The following PLCB1 variants were observed in gnomAD, a reference collection of about 807,000 sequenced individuals.
PLCB1 encodes the protein 1-phosphatidylinositol 4,5-bisphosphate phosphodiesterase beta-1.
In PLCB1, 46 loss-of-function variants were observed where a neutral mutation model predicts 161.8. That is an observed-to-expected ratio of 0.28 (90% CI 0.22 to 0.36). The LOEUF (loss-of-function observed/expected upper bound fraction) is 0.36. Ranked by LOEUF, PLCB1 falls within the 10% of genes least tolerant of loss-of-function variation. The pLI is 1.00. For synonymous variants in PLCB1, 517 were observed against 503.7 expected, an observed-to-expected ratio of 1.03 and a Z score of -0.35; for missense variants, 1,016 against 1,472.5, an observed-to-expected ratio of 0.69 and a Z score of 5.07.
At chr20:8,860,883 T>C (rs2146312949) in intron 31 of PLCB1, among the ~76,000 whole-genome samples, 1 of 152,364 alleles carries the variant, frequency 6.6e-6, no homozygotes, top group South Asian at 2.1e-4. Context: ...TTCAACTCAG[T>C]GTTGTGACAT....
At chr20:8,585,137 C>T (rs938963029) in intron 3 of PLCB1, among the ~76,000 whole-genome samples, 1 of 152,184 alleles carries the variant, frequency 6.6e-6, no homozygotes, top group Non-Finnish European at 1.5e-5. Flanking sequence ...GGAGCTTCGG[C>T]TTACTTTTGG....
At chr20:8,565,769 A>T (rs959579645) in intron 3 of PLCB1, among the ~76,000 whole-genome samples, 6 of 152,084 alleles carry the variant, frequency 3.9e-5, no homozygotes, top group African/African-American at 1.4e-4. Flanking sequence ...TATAGACCCC[A>T]GAACCTGTGT....
chr20:8,408,514 T>TA (rs1978888245), intron 3 of PLCB1, among the ~76,000 whole-genome samples: 1 of 151,806 alleles, frequency 6.6e-6, no homozygotes, highest in Non-Finnish European at 1.5e-5. Flanking sequence ...GAAGTTTTTT[T>TA]TAAAAAAAAA....
chr20:8,821,833 C>T (rs1182807119), intron 31 of PLCB1, among the ~76,000 whole-genome samples: 1 of 151,882 alleles, frequency 6.6e-6, no homozygotes, highest in Non-Finnish European at 1.5e-5. Flanking sequence ...TCTCCACCCG[C>T]CCCCTCGCAG....
At position 8,740,444 on chromosome 20, in the gene PLCB1, T is replaced by G; in HGVS notation, c.2409T>G (p.Tyr803Ter). The G allele has an allele frequency of 6.4e-7, 1 of 1,551,862 alleles. No individual in the cohort carries two copies. Reference protein sequence around the residue: ...IEVKDYVPDTYADVIEALSNP... With the variant: ...IEVKDYVPDT Reference sequence around the variant, plus strand: ...TGAAAGACTATGTGCCAGACACATATGCAGGTAAACAACTTAACTCAAATA... The same window carrying G: ...TGAAAGACTATGTGCCAGACACATAGGCAGGTAAACAACTTAACTCAAATA... Residue 803 changes from tyrosine (Y) to a stop codon, truncating the protein, a stop_gained, in exon 22 of 32, where the codon TAT becomes TAG. Transcript: ENST00000338037. LOFTEE classifies it high-confidence loss of function.
At chr20:8,190,877 G>C (rs974103850) in intron 2 of PLCB1, among the ~76,000 whole-genome samples, 4 of 152,072 alleles carry the variant, frequency 2.6e-5, no homozygotes, top group Non-Finnish European at 5.9e-5. Context: ...TGAATGACCG[G>C]GTCCGGTGGA....
At chr20:8,621,350 A>G (rs1287744318) in intron 3 of PLCB1, among the ~76,000 whole-genome samples, 1 of 152,222 alleles carries the variant, frequency 6.6e-6, no homozygotes, top group African/African-American at 2.4e-5. Flanking sequence ...AGTTTAAAAC[A>G]TGGCTGAAAA....
chr20:8,481,753 C>A (rs1449228970), intron 3 of PLCB1, among the ~76,000 whole-genome samples: 1 of 152,082 alleles, frequency 6.6e-6, no homozygotes, highest in Non-Finnish European at 1.5e-5. Flanking sequence ...TAATGCTGAC[C>A]ATCATGGAGT....
At chr20:8,780,269 C>T (rs760783247) in intron 27 of PLCB1, among the ~76,000 whole-genome samples, 1 of 152,178 alleles carries the variant, frequency 6.6e-6, no homozygotes, top group Non-Finnish European at 1.5e-5. Context: ...CTACTAAACA[C>T]CCACAGCCCA....
chr20:8,630,000 TTCTTTCTTTC>T lies in PLCB1; in HGVS notation c.384+1578_384+1587del, dbSNP rs745870423. On this transcript the variant is annotated intron_variant, in intron 4 of 31. Transcript: ENST00000338037. ...TTTCTTTCTTTCTTTCTTTCTTTCT[TTCTTTCTTTC>T]TCTTTCTTCTTTCCTTTCTTTCCTC... Among the ~76,000 whole-genome samples, 441 of 108,108 alleles carry T rather than the reference TTCTTTCTTTC, an allele frequency of 4.1e-3. 2 individuals carry two copies. Among genetic ancestry groups the T allele is most frequent in the East Asian group, 0.011 (39 of 3,680 alleles). The allele number at this position is 108,108 out of a possible 152,430, so 70.9% of individuals were successfully genotyped here. A position where few individuals can be genotyped will look rare whatever the true frequency, so the allele number is the denominator to read the frequency against.
chr20:8,659,313 A>G (rs1247332950), intron 9 of PLCB1, among the ~76,000 whole-genome samples: 35 of 152,178 alleles, frequency 2.3e-4, no homozygotes, highest in Non-Finnish European at 2.9e-5. Context: ...GGGAAAATGA[A>G]TTGCCAAAAT....
intron 2 of PLCB1, among the ~76,000 whole-genome samples, chr20:8,302,365 G>T (rs1191909670): frequency 6.6e-6 from 1 of 152,130 alleles, no homozygotes; most frequent in Non-Finnish European, 1.5e-5. Flanking sequence ...TTTCATGATA[G>T]CATCTGCAGA....
At chr20:8,676,810 A>C (rs1568556676) in intron 9 of PLCB1, among the ~76,000 whole-genome samples, 1 of 152,214 alleles carries the variant, frequency 6.6e-6, no homozygotes, top group South Asian at 2.1e-4. Context: ...AAACTTCCTT[A>C]AAAACAGGAA....
intron 31 of PLCB1, among the ~76,000 whole-genome samples, chr20:8,808,168 G>T (rs1377899166): frequency 6.6e-6 from 1 of 152,170 alleles, no homozygotes; most frequent in Non-Finnish European, 1.5e-5. Context: ...ACTCTGCTCA[G>T]CTTCCACAGC....
At chr20:8,560,271 CT>C (rs1431721794) in intron 3 of PLCB1, among the ~76,000 whole-genome samples, 1 of 151,976 alleles carries the variant, frequency 6.6e-6, no homozygotes, top group East Asian at 1.9e-4. Context: ...TCCATTTTGG[CT>C]GTACATTGAC....
intron 18 of PLCB1, among the ~76,000 whole-genome samples, chr20:8,732,646 T>TTAGAA (rs1980318772): frequency 1.0e-5 from 1 of 98,944 alleles, no homozygotes; most frequent in Non-Finnish European, 2.1e-5. Flanking sequence ...AGAAATTAGA[T>TTAGAA]ATTAGATATT....
At chr20:8,170,798 A>G (rs892694879) in intron 2 of PLCB1, among the ~76,000 whole-genome samples, 7 of 152,224 alleles carry the variant, frequency 4.6e-5, no homozygotes, top group African/African-American at 1.4e-4. Flanking sequence ...TAGGCCAAAA[A>G]TGGCCAAACA....
At chr20:8,372,854 A>G (rs566567619) in intron 3 of PLCB1, among the ~76,000 whole-genome samples, 1 of 152,172 alleles carries the variant, frequency 6.6e-6, no homozygotes, top group Admixed American at 6.5e-5. Context: ...TGCAATTTCA[A>G]TATCGATATT....
At chr20:8,481,161 T>A (rs371700524) in intron 3 of PLCB1, among the ~76,000 whole-genome samples, 215 of 151,972 alleles carry the variant, frequency 1.4e-3, no homozygotes, top group African/African-American at 4.9e-3. Context: ...CATTTTCATT[T>A]AAAAAGTTAA....
Sources: gnomAD v4.1 joint callset for allele counts (sites outside exome capture counted in the v4.1 genomes callset) on GRCh38, gnomAD v4.1.1 for gene constraint, MANE v1.5 for transcripts, NCBI Gene and HGNC (gene_info 2026-07-23, HGNC 2026-07-21) for gene names.